CACNA2D1: variants seen among roughly 807,000 people sequenced by gnomAD.
The protein encoded by CACNA2D1 is calcium voltage-gated channel auxiliary subunit alpha2delta 1.
Under a neutral mutation model 171.5 loss-of-function variants are expected in CACNA2D1, and 53 were observed. The ratio of observed to expected loss-of-function variants is 0.31; its 90% CI spans 0.25 to 0.39. The LOEUF is 0.39. Among genes scored for constraint, CACNA2D1 ranks in the 10% least tolerant of loss-of-function variants. CACNA2D1 has a pLI of 1.00. For synonymous variants in CACNA2D1, 442 were observed against 443.1 expected, an observed-to-expected ratio of 1.00 and a Z score of 0.03; for missense variants, 903 against 1,299.8, an observed-to-expected ratio of 0.69 and a Z score of 4.69.
At chr7:82,354,768 T>G (rs1820232149) in intron 1 of CACNA2D1, among the ~76,000 whole-genome samples, 1 of 152,062 alleles carries the variant, frequency 6.6e-6, no homozygotes, top group South Asian at 2.1e-4. Flanking sequence ...AGTACTAGTC[T>G]GAAGAGAGCA....
At chr7:81,952,871 T>G (rs1792770474) in intron 38 of CACNA2D1, among the ~76,000 whole-genome samples, 1 of 152,100 alleles carries the variant, frequency 6.6e-6, no homozygotes. Context: ...TTTCTCCTCT[T>G]GTATGTCTCA....
At chr7:82,013,926 A>G (rs1800104137) in intron 13 of CACNA2D1, among the ~76,000 whole-genome samples, 2 of 151,798 alleles carry the variant, frequency 1.3e-5, no homozygotes, top group African/African-American at 2.4e-5. Context: ...TCAAATTAAC[A>G]TATGTTTTTC....
intron 6 of CACNA2D1, among the ~76,000 whole-genome samples, chr7:82,092,540 C>CTTTTTTTTTTTTT (rs71093360): frequency 1.5e-4 from 15 of 102,704 alleles, no homozygotes; most frequent in South Asian, 3.1e-4. Context: ...GCCCAGCTAA[C>CTTTTTTTTTTTTT]TTTTTTTTTT....
intron 12 of CACNA2D1, among the ~76,000 whole-genome samples, chr7:82,015,354 TATAA>T (rs1183277683): frequency 2.6e-5 from 4 of 152,162 alleles, no homozygotes; most frequent in African/African-American, 7.2e-5. Flanking sequence ...GGCTGACACA[TATAA>T]ATAGATATTC....
chr7:82,292,136 G>A (rs1358151696), intron 3 of CACNA2D1, among the ~76,000 whole-genome samples: 2 of 152,078 alleles, frequency 1.3e-5, no homozygotes, highest in African/African-American at 4.8e-5. Flanking sequence ...GCAATGTAGT[G>A]TGCTGTGACA....
intron 1 of CACNA2D1, among the ~76,000 whole-genome samples, chr7:82,437,804 C>T (rs2129459616): frequency 6.6e-6 from 1 of 152,060 alleles, no homozygotes; most frequent in African/African-American, 2.4e-5. Context: ...AGATGTAAAG[C>T]CTACAAAGAA....
chr7:82,038,332 T>C (rs1803554058), intron 10 of CACNA2D1, 97 bp from the exon 11 acceptor site: 2 of 1,018,858 alleles, frequency 2.0e-6, no homozygotes, highest in Non-Finnish European at 2.9e-6. Context: ...CGGTATTGCA[T>C]TGCTTACTCT....
chr7:82,106,646 AT>A (rs1284024207), intron 6 of CACNA2D1, among the ~76,000 whole-genome samples: 10 of 152,206 alleles, frequency 6.6e-5, no homozygotes, highest in African/African-American at 9.6e-5. Context: ...ACTAAAAAAA[AT>A]CACAATATTT....
chr7:82,408,625 T>C (rs1331001858), intron 1 of CACNA2D1, among the ~76,000 whole-genome samples: 2 of 152,198 alleles, frequency 1.3e-5, no homozygotes, highest in Non-Finnish European at 2.9e-5. Flanking sequence ...GATAACTTTC[T>C]CTCTTTTTTC....
intron 3 of CACNA2D1, among the ~76,000 whole-genome samples, chr7:82,274,142 G>A (rs888302936): frequency 2.6e-5 from 4 of 151,934 alleles, no homozygotes; most frequent in African/African-American, 9.7e-5. Flanking sequence ...CAGAGCCTGC[G>A]CACTAACCCC....
At chr7:82,250,747 CT>C (rs1209992573) in intron 3 of CACNA2D1, among the ~76,000 whole-genome samples, 3 of 152,032 alleles carry the variant, frequency 2.0e-5, no homozygotes, top group Non-Finnish European at 4.4e-5. Context: ...AATAATGGCC[CT>C]TTTGTCTGTT....
chr7:82,292,557 G>T (rs1327239975), intron 3 of CACNA2D1, among the ~76,000 whole-genome samples: 1 of 152,014 alleles, frequency 6.6e-6, no homozygotes, highest in Non-Finnish European at 1.5e-5. Flanking sequence ...ATTCTAGTTT[G>T]GAAATTATCA....
At chr7:82,129,262 A>G (rs959495043) in intron 5 of CACNA2D1, among the ~76,000 whole-genome samples, 1 of 152,186 alleles carries the variant, frequency 6.6e-6, no homozygotes, top group Admixed American at 6.6e-5. Flanking sequence ...TTTGTCTGAA[A>G]CACTGCAGGC....
At chr7:82,299,024 T>C (rs1812648168) in intron 3 of CACNA2D1, among the ~76,000 whole-genome samples, 4 of 148,588 alleles carry the variant, frequency 2.7e-5, no homozygotes, top group African/African-American at 5.0e-5. Flanking sequence ...GATCACGCCA[T>C]TGCACCCAGC....
intron 1 of CACNA2D1, among the ~76,000 whole-genome samples, chr7:82,373,434 C>T (rs907150952): frequency 2.0e-5 from 3 of 152,194 alleles, no homozygotes; most frequent in African/African-American, 7.2e-5. Context: ...GTTCCTCAAG[C>T]AAGCCTCAAC....
chr7:81,988,208 C>A (rs117610788), intron 21 of CACNA2D1, among the ~76,000 whole-genome samples: 1 of 152,238 alleles, frequency 6.6e-6, no homozygotes, highest in Non-Finnish European at 1.5e-5. Flanking sequence ...ATCATAAAAT[C>A]ATCTCTCAAG....
At chr7:82,005,363 A>T in intron 18 of CACNA2D1, 60 bp downstream of exon 18, 2 of 1,019,404 alleles carry the variant, frequency 2.0e-6, no homozygotes, top group Non-Finnish European at 3.0e-6. Flanking sequence ...CAATCCTATT[A>T]AGAACATTAA....
At chr7:82,345,681 A>AGTAAAGGAGTGTGTGT (rs1554519348) in intron 2 of CACNA2D1, among the ~76,000 whole-genome samples, 2 of 146,350 alleles carry the variant, frequency 1.4e-5, no homozygotes, top group African/African-American at 2.5e-5. Flanking sequence ...TAGCTAAAGG[A>AGTAAAGGAGTGTGTGT]GTGTGTGTGT....
chr7:82,415,550 C>G (rs1354269023), intron 1 of CACNA2D1, among the ~76,000 whole-genome samples: 1 of 151,822 alleles, frequency 6.6e-6, no homozygotes, highest in Non-Finnish European at 1.5e-5. Context: ...AAAAAAAAAC[C>G]CTGAAATTTT....
Sources: allele counts gnomAD v4.1 joint callset (sites outside exome capture counted in the v4.1 genomes callset), GRCh38; gene constraint gnomAD v4.1.1; transcripts MANE v1.5; gene names NCBI Gene and HGNC (gene_info 2026-07-23, HGNC 2026-07-21).